Variants in TBC1D30 observed in about 807,000 individuals in gnomAD.
TBC1D30 encodes TBC1 domain family member 30, also known as TBC1 domain family, member 30.
A neutral mutation model predicts 63.2 loss-of-function variants in TBC1D30; 31 were observed. That is an observed-to-expected ratio of 0.49 (90% confidence interval 0.37 to 0.66). TBC1D30 has a LOEUF of 0.66. Ranked by LOEUF, TBC1D30 falls within the 30% of genes least tolerant of loss-of-function variation. The pLI is 0.00. For synonymous variants in TBC1D30, 307 were observed against 361.5 expected, an observed-to-expected ratio of 0.85 and a Z score of 1.71; for missense variants, 810 against 953.6, an observed-to-expected ratio of 0.85 and a Z score of 1.98.
intron 10 of TBC1D30, among the ~76,000 whole-genome samples, chr12:64,869,960 A>G (rs1442706478): frequency 6.6e-6 from 1 of 152,074 alleles, no homozygotes; most frequent in Non-Finnish European, 1.5e-5. Context: ...CCCACCTAGT[A>G]TTGTTTCTCT....
chr12:64,813,630 C>T (rs1190844986), intron 2 of TBC1D30, among the ~76,000 whole-genome samples: 1 of 152,142 alleles, frequency 6.6e-6, no homozygotes, highest in Non-Finnish European at 1.5e-5. Context: ...AAACATGTGA[C>T]ATTTGAGCAT....
Position 64,876,686 on chromosome 12 carries a change from G to A in TBC1D30, c.*898G>A. ...AGACGCACAAGGCCTCTGCTCAGAA[G>A]CCAGAACACAGCACCTGTGACTCTG... On this transcript the variant is annotated 3_prime_UTR_variant, in exon 12 of 12. Transcript: ENST00000539867. 1 of 425,826 alleles carries A rather than the reference G, an allele frequency of 2.3e-6. No individual in the cohort carries two copies. Among genetic ancestry groups the A allele is most frequent in the Middle Eastern group, 3.4e-4 (1 of 2,922 alleles). 26.4% of individuals were successfully genotyped at this position (425,826 alleles called of 1,614,324 possible). A position where few individuals can be genotyped will look rare whatever the true frequency, so the allele number is the denominator to read the frequency against.
At chr12:64,801,969 T>A (rs1222005574) in intron 2 of TBC1D30, among the ~76,000 whole-genome samples, 1 of 151,802 alleles carries the variant, frequency 6.6e-6, no homozygotes, top group East Asian at 2.0e-4. Context: ...GAATTTTTAC[T>A]TTCAGTGGAT....
exon 1 of TBC1D30, chr12:64,781,080 G>A: frequency 2.0e-6 from 2 of 1,012,844 alleles, no homozygotes; most frequent in Non-Finnish European, 2.4e-6. Flanking sequence ...GAGCTGTACA[G>A]CTGCACAGAG....
At chr12:64,761,131 T>G (rs956485587) in intron 1 of TBC1D30, among the ~76,000 whole-genome samples, 1 of 152,222 alleles carries the variant, frequency 6.6e-6, no homozygotes, top group Admixed American at 6.5e-5. Context: ...CTAGGCCAAT[T>G]TTTCAAGCTG....
chr12:64,801,137 T>G (rs141886732), intron 2 of TBC1D30, among the ~76,000 whole-genome samples: 81 of 152,360 alleles, frequency 5.3e-4, no homozygotes, highest in African/African-American at 1.9e-3. Flanking sequence ...TGTTTCTTTA[T>G]ACATCTGTCT....
Position 64,840,004 on chromosome 12 carries a change from C to CAAAAAAAAAAAAAAAAAAAA in TBC1D30, c.932+1158_932+1177dup, listed in dbSNP as rs60440376. On this transcript the variant is annotated intron_variant, in intron 7 of 11. Coordinates refer to ENST00000539867, the MANE Select transcript of TBC1D30 (RefSeq NM_015279.2). ...TGGACGACAGAGCAAGACTCTGTCT[C>CAAAAAAAAAAAAAAAAAAAA]AAAAAAAAAAAAAAAAAAAAAAAAT... Among the ~76,000 whole-genome samples, 78 of 98,312 alleles carry CAAAAAAAAAAAAAAAAAAAA rather than the reference C, an allele frequency of 7.9e-4. 3 individuals are homozygous for CAAAAAAAAAAAAAAAAAAAA. The highest frequency in any genetic ancestry group is 3.5e-3 in the African/African-American group (68 of 19,324). The allele number at this position is 98,312 out of a possible 152,430, so 64.5% of individuals were successfully genotyped here.
intron 11 of TBC1D30, 35 bp downstream of exon 11, chr12:64,870,843 C>G: frequency 6.5e-7 from 1 of 1,527,930 alleles, no homozygotes; most frequent in Non-Finnish European, 8.8e-7. Flanking sequence ...AATTTCAGCT[C>G]TATCTCAACT....
At chr12:64,866,523 C>T (rs1464266382) in intron 9 of TBC1D30, among the ~76,000 whole-genome samples, 10 of 151,978 alleles carry the variant, frequency 6.6e-5, no homozygotes, top group African/African-American at 1.7e-4. Context: ...CTGCAACCTC[C>T]GCCTCCCGGG....
intron 2 of TBC1D30, among the ~76,000 whole-genome samples, chr12:64,813,042 C>A (rs182394847): frequency 6.6e-6 from 1 of 152,016 alleles, no homozygotes; most frequent in Non-Finnish European, 1.5e-5. Context: ...GGTGACCTGG[C>A]GGCATTGTTG....
At chr12:64,802,564 T>C (rs1309711204) in intron 2 of TBC1D30, among the ~76,000 whole-genome samples, 2 of 152,142 alleles carry the variant, frequency 1.3e-5, no homozygotes, top group African/African-American at 2.4e-5. Flanking sequence ...TTGTCACATA[T>C]GTATACATGT....
intron 1 of TBC1D30, among the ~76,000 whole-genome samples, chr12:64,775,108 T>A (rs1260978519): frequency 2.0e-5 from 3 of 146,886 alleles, no homozygotes; most frequent in African/African-American, 5.2e-5. Flanking sequence ...AAAAAAAATA[T>A]ATATATATAG....
intron 9 of TBC1D30, 60 bp downstream of exon 9, chr12:64,864,840 AT>A: frequency 2.6e-6 from 3 of 1,172,066 alleles, no homozygotes; most frequent in African/African-American, 1.5e-5. Flanking sequence ...TTAATTTGTT[AT>A]TGTAAATTAA....
chr12:64,800,008 A>C (rs1295913689), intron 2 of TBC1D30, among the ~76,000 whole-genome samples: 3 of 152,314 alleles, frequency 2.0e-5, no homozygotes, highest in Admixed American at 2.0e-4. Flanking sequence ...TGGGAGGCTG[A>C]GGCAGGAGAA....
Position 64,830,425 on chromosome 12 carries a change from T to G in TBC1D30, c.331T>G (p.Trp111Gly), listed in dbSNP as rs1330114285. Residue 111 changes from tryptophan to glycine, a missense_variant, in exon 4 of 12, where the codon TGG becomes GGG. By Grantham distance (184) the Trp-to-Gly change is radical. Coordinates refer to ENST00000539867, the MANE Select transcript of TBC1D30 (RefSeq NM_015279.2). ...TTATTTGCACAGTATAGCCATTGAC[T>G]GGGACAAAACCATGCGCTTCACTTT... ...DHYLHSIAID[W>G]DKTMRFTFNE... The G allele has an allele frequency of 1.3e-6, 2 of 1,535,418 alleles. No individual in the cohort carries two copies. The highest frequency in any genetic ancestry group is 1.7e-6 in the Non-Finnish European group (2 of 1,146,502).
At chr12:64,850,262 A>G (rs934001070) in intron 8 of TBC1D30, among the ~76,000 whole-genome samples, 19 of 152,124 alleles carry the variant, frequency 1.2e-4, no homozygotes, top group African/African-American at 4.6e-4. Context: ...AATACTGTTT[A>G]TTTCTTTTTC....
chr12:64,810,975 C>T (rs1873182288), intron 2 of TBC1D30, among the ~76,000 whole-genome samples: 1 of 152,228 alleles, frequency 6.6e-6, no homozygotes, highest in Admixed American at 6.5e-5. Flanking sequence ...ACTAGCTTCA[C>T]TCTGTGCCAT....
chr12:64,788,192 G>GGGGT (rs113412056), intron 2 of TBC1D30, among the ~76,000 whole-genome samples: 2 of 145,052 alleles, frequency 1.4e-5, no homozygotes, highest in African/African-American at 5.0e-5. Context: ...GGTGTGTAGG[G>GGGGT]GTGTGTGTGT....
chr12:64,871,470 TG>T (rs1300368293), intron 11 of TBC1D30, among the ~76,000 whole-genome samples: 2 of 152,010 alleles, frequency 1.3e-5, no homozygotes, highest in Non-Finnish European at 2.9e-5. Flanking sequence ...TTAATGAAAA[TG>T]GTGCCTGTCC....
Sources: allele counts gnomAD v4.1 joint callset (sites outside exome capture counted in the v4.1 genomes callset), GRCh38; gene constraint gnomAD v4.1.1; transcripts MANE v1.5; gene names NCBI Gene and HGNC (gene_info 2026-07-23, HGNC 2026-07-21).